The following GRM1 variants were observed in gnomAD, a reference collection of about 807,000 sequenced individuals.
GRM1 encodes metabotropic glutamate receptor 1.
A neutral mutation model predicts 90.9 loss-of-function variants in GRM1; 33 were observed. That is an observed-to-expected ratio of 0.36 (90% CI 0.28 to 0.49). The LOEUF (loss-of-function observed/expected upper bound fraction) is 0.49, where lower values mean the gene tolerates loss of function less well. Among genes scored for constraint, GRM1 ranks in the 20% least tolerant of loss-of-function variants. The pLI, the probability that GRM1 is intolerant of heterozygous loss-of-function variation, is 0.99. For missense variants in GRM1, 1,190 were observed against 1,534.3 expected, an observed-to-expected ratio of 0.78 and a Z score of 3.75; for synonymous variants, 700 against 613.2, an observed-to-expected ratio of 1.14 and a Z score of -2.09.
chr6:146,307,166 A>G (rs1157148894), intron 3 of GRM1, among the ~76,000 whole-genome samples: 1 of 152,234 alleles, frequency 6.6e-6, no homozygotes, highest in African/African-American at 2.4e-5. Context: ...CTGTGTTAGT[A>G]TTCACAGCAA....
rs568718256 is a variant in GRM1, at chr6:146,075,971, A to G, written c.700+45754A>G. On this transcript the variant is annotated intron_variant, in intron 1 of 7. Coordinates refer to ENST00000282753, the MANE Select transcript of GRM1 (RefSeq NM_001278064.2). ...CCTATGTCTAAATAAGGTCACATTC[A>G]TAAGTACTGGGAATTAGGACTTCAA... 1.2e-3 allele frequency among the ~76,000 whole-genome samples: 188 copies of G among 152,354 alleles called. 1 individual carries two copies. Among genetic ancestry groups the G allele is most frequent in the Admixed American group, 4.0e-3 (61 of 15,294 alleles).
intron 2 of GRM1, among the ~76,000 whole-genome samples, chr6:146,282,586 C>T (rs1284830901): frequency 1.3e-5 from 2 of 151,604 alleles, no homozygotes; most frequent in African/African-American, 4.8e-5. Context: ...AAAATTAGTA[C>T]AAAAAATTAC....
chr6:146,058,321 G>A (rs1259149837), intron 1 of GRM1, among the ~76,000 whole-genome samples: 1 of 152,082 alleles, frequency 6.6e-6, no homozygotes, highest in Non-Finnish European at 1.5e-5. Flanking sequence ...AGCAAATATT[G>A]CGATAAGTGA....
intron 2 of GRM1, among the ~76,000 whole-genome samples, chr6:146,191,823 T>C (rs1467260796): frequency 2.0e-5 from 3 of 152,216 alleles, no homozygotes; most frequent in African/African-American, 7.2e-5. Flanking sequence ...TTTTGTTCTT[T>C]CCTGTCAGTC....
At chr6:146,031,419 C>T (rs945601178) in intron 1 of GRM1, among the ~76,000 whole-genome samples, 2 of 151,890 alleles carry the variant, frequency 1.3e-5, no homozygotes, top group East Asian at 1.9e-4. Flanking sequence ...CAGTTACTGG[C>T]GTGAGGTCTG....
At chr6:146,321,277 C>T (rs755445602) in intron 3 of GRM1, among the ~76,000 whole-genome samples, 1 of 152,090 alleles carries the variant, frequency 6.6e-6, no homozygotes, top group Non-Finnish European at 1.5e-5. Flanking sequence ...TGTAGTTGTG[C>T]GGTTTTGAGT....
intron 2 of GRM1, among the ~76,000 whole-genome samples, chr6:146,180,976 A>G (rs981891218): frequency 2.6e-5 from 4 of 152,190 alleles, no homozygotes; most frequent in Admixed American, 6.5e-5. Flanking sequence ...CCTCAATGTG[A>G]TAACACACTT....
chr6:146,330,296 G>A (rs929042979), intron 3 of GRM1, among the ~76,000 whole-genome samples: 1 of 152,116 alleles, frequency 6.6e-6, no homozygotes, highest in Admixed American at 6.6e-5. Context: ...GATTTAGCTT[G>A]GAAAGTTACT....
intron 1 of GRM1, among the ~76,000 whole-genome samples, chr6:146,067,046 G>A (rs1775872904): frequency 6.6e-6 from 1 of 152,148 alleles, no homozygotes; most frequent in African/African-American, 2.4e-5. Flanking sequence ...TTACTAGAGA[G>A]TTCAGAAACA....
At chr6:146,176,617 T>C (rs1454390510) in intron 2 of GRM1, among the ~76,000 whole-genome samples, 2 of 152,002 alleles carry the variant, frequency 1.3e-5, no homozygotes, top group Non-Finnish European at 2.9e-5. Flanking sequence ...CTCAAAATAT[T>C]TGAAAGGAAA....
chr6:146,128,374 T>G (rs1246999490), intron 1 of GRM1, among the ~76,000 whole-genome samples: 4 of 152,200 alleles, frequency 2.6e-5, no homozygotes, highest in African/African-American at 9.6e-5. Context: ...GAGATTTACA[T>G]ACATACATCA....
At chr6:146,382,933 G>A (rs559336539) in intron 5 of GRM1, among the ~76,000 whole-genome samples, 1 of 152,216 alleles carries the variant, frequency 6.6e-6, no homozygotes, top group East Asian at 1.9e-4. Flanking sequence ...TTACTCTGGA[G>A]TGAGAAGAAA....
intron 1 of GRM1, among the ~76,000 whole-genome samples, chr6:146,104,977 A>AG (rs1160922617): frequency 1.3e-5 from 2 of 152,206 alleles, no homozygotes; most frequent in Non-Finnish European, 2.9e-5. Flanking sequence ...AGTAGGCATG[A>AG]GGGGATCTGC....
chr6:146,410,986 T>G (rs1434050527), intron 7 of GRM1, among the ~76,000 whole-genome samples: 1 of 152,178 alleles, frequency 6.6e-6, no homozygotes, highest in Non-Finnish European at 1.5e-5. Context: ...AGATAAATAC[T>G]GTTGACTCAT....
Position 146,183,229 on chromosome 6 carries a change from T to C in GRM1, c.950+23632T>C, listed in dbSNP as rs141355482. Reference sequence around the variant, plus strand: ...CTTTAAAAGAAGGACATGAAAGTTCTACATATTCATCACTTCTCTTCACAT... The same window carrying C: ...CTTTAAAAGAAGGACATGAAAGTTCCACATATTCATCACTTCTCTTCACAT... On this transcript the variant is annotated intron_variant, in intron 2 of 7. Transcript: ENST00000282753. 5.3e-3 allele frequency among the ~76,000 whole-genome samples: 814 copies of C among 152,340 alleles called. 6 individuals are homozygous for C. Among genetic ancestry groups the C allele is most frequent in the African/African-American group, 0.019 (781 of 41,586 alleles).
At chr6:146,315,036 T>A (rs149728116) in intron 3 of GRM1, among the ~76,000 whole-genome samples, 47 of 152,312 alleles carry the variant, frequency 3.1e-4, no homozygotes, top group Non-Finnish European at 5.4e-4. Flanking sequence ...GTTATATTTA[T>A]GGTATAGTTC....
intron 2 of GRM1, among the ~76,000 whole-genome samples, chr6:146,180,430 A>G (rs1357016866): frequency 1.3e-5 from 2 of 152,174 alleles, no homozygotes; most frequent in Admixed American, 6.5e-5. Flanking sequence ...TTTTTACATA[A>G]TGAGGTTATA....
At chr6:146,269,738 G>A (rs544894399) in intron 2 of GRM1, among the ~76,000 whole-genome samples, 1 of 152,266 alleles carries the variant, frequency 6.6e-6, no homozygotes, top group Non-Finnish European at 1.5e-5. Flanking sequence ...ATGAGAATCT[G>A]ATGCCTGGTG....
At chr6:146,077,053 T>C (rs1448557850) in intron 1 of GRM1, among the ~76,000 whole-genome samples, 3 of 152,148 alleles carry the variant, frequency 2.0e-5, no homozygotes, top group Non-Finnish European at 4.4e-5. Context: ...TAGTAGGATA[T>C]TTCGTTATTT....
Sources: gnomAD v4.1 joint callset for allele counts (sites outside exome capture counted in the v4.1 genomes callset) on GRCh38, gnomAD v4.1.1 for gene constraint, MANE v1.5 for transcripts, NCBI Gene and HGNC (gene_info 2026-07-23, HGNC 2026-07-21) for gene names.